Variants in CDH19 observed in about 807,000 individuals in gnomAD.
The protein encoded by CDH19 is cadherin-19.
A neutral mutation model predicts 64.2 loss-of-function variants in CDH19; 67 were observed. That is an observed-to-expected ratio of 1.04 (90% CI 0.86 to 1.28). The LOEUF (loss-of-function observed/expected upper bound fraction) is 1.28, where lower values mean the gene tolerates loss of function less well. Among genes scored for constraint, CDH19 ranks in the 50% most tolerant of loss-of-function variants. The probability of loss-of-function intolerance (pLI) is 0.00; values close to 1 mark genes in which losing one functional copy is unlikely to be tolerated. For missense variants in CDH19, 1,030 were observed against 929.0 expected (o/e 1.11, Z -1.41); for synonymous variants, 346 against 319.3 (o/e 1.08, Z -0.89).
chr18:66,515,032 A>C (rs1206885656), intron 9 of CDH19, among the ~76,000 whole-genome samples: 1 of 151,732 alleles, frequency 6.6e-6, no homozygotes, highest in East Asian at 1.9e-4. Context: ...TTGAATCATG[A>C]ACTCTAAATC....
In CDH19 at chr18:66,537,792, T is replaced by A. The variant is rs537865929; in HGVS notation, c.1215-2685A>T. Among the ~76,000 whole-genome samples the A allele has an allele frequency of 5.0e-4, 76 of 152,034 alleles. 1 individual carries two copies. The highest frequency in any genetic ancestry group is 5.0e-4 in the Non-Finnish European group (34 of 67,974). On this transcript the variant is annotated intron_variant, in intron 7 of 11. Transcript: ENST00000262150. The stretch of plus-strand genomic sequence containing the variant: ...AAGATCTAGGTATTAAGAGTTCCCA[T>A]TGCTTCTTGAGTTTCATTGTTTTTA...
At chr18:66,529,818 A>G in intron 9 of CDH19, 27 bp downstream of exon 9, 1 of 1,489,832 alleles carries the variant, frequency 6.7e-7, no homozygotes, top group Non-Finnish European at 9.1e-7. Flanking sequence ...TATTGTTTAG[A>G]CTTTGTAATT....
chr18:66,542,157 A>G (rs1256237126), intron 7 of CDH19, among the ~76,000 whole-genome samples: 1 of 152,214 alleles, frequency 6.6e-6, no homozygotes, highest in Non-Finnish European at 1.5e-5. Flanking sequence ...ATACAGATAC[A>G]TTTTTTAAAG....
At chr18:66,546,322 T>C (rs1987116436) in intron 5 of CDH19, among the ~76,000 whole-genome samples, 1 of 152,234 alleles carries the variant, frequency 6.6e-6, no homozygotes, top group Middle Eastern at 3.4e-3. Flanking sequence ...TTTTACATTA[T>C]AGAAAAATTA....
At chr18:66,513,509 C>A (rs1349813977) in intron 9 of CDH19, among the ~76,000 whole-genome samples, 1 of 151,302 alleles carries the variant, frequency 6.6e-6, no homozygotes, top group Non-Finnish European at 1.5e-5. Context: ...ATTGAAGTTA[C>A]CTTGAACAGG....
intron 1 of CDH19, among the ~76,000 whole-genome samples, chr18:66,583,790 G>C (rs1988493429): frequency 6.6e-6 from 1 of 152,038 alleles, no homozygotes; most frequent in Non-Finnish European, 1.5e-5. Context: ...TGGGTAACTG[G>C]CTAGCCATAT....
At position 66,535,088 on chromosome 18, in the gene CDH19, T is replaced by C. The variant is rs2144441326; in HGVS notation, c.1234A>G (p.Lys412Glu). Reference protein sequence around the residue: ...SPIRYSITRSKVFNINDNGTI... With the variant: ...SPIRYSITRSEVFNINDNGTI... Reference sequence around the variant, plus strand: ...CCATTATCATTGATATTGAACACTTTGCTCCTAGTAATAGAATACCTGAAC... The same window carrying C: ...CCATTATCATTGATATTGAACACTTCGCTCCTAGTAATAGAATACCTGAAC... The change falls in exon 8 of 12, where the codon AAA becomes GAA. Residue 412 changes from lysine to glutamate, a missense_variant. Physicochemically the swap from Lys to Glu is moderately conservative, Grantham distance 56 (BLOSUM62 1). Transcript: ENST00000262150. The C allele has an allele frequency of 6.7e-7, 1 of 1,490,178 alleles. No individual in the cohort carries two copies. The highest frequency in any genetic ancestry group is 1.4e-5 in the African/African-American group (1 of 72,368). The allele number at this position is 1,490,178 out of a possible 1,614,324, so 92.3% of individuals were successfully genotyped here. A position where few individuals can be genotyped will look rare whatever the true frequency, so the allele number is the denominator to read the frequency against.
At chr18:66,582,437 T>C (rs1157359725) in intron 1 of CDH19, among the ~76,000 whole-genome samples, 1 of 151,934 alleles carries the variant, frequency 6.6e-6, no homozygotes, top group African/African-American at 2.4e-5. Flanking sequence ...GAACCACTAG[T>C]ATGAAATATA....
intron 9 of CDH19, among the ~76,000 whole-genome samples, chr18:66,528,487 C>A (rs571582512): frequency 6.6e-6 from 1 of 152,204 alleles, no homozygotes; most frequent in Admixed American, 6.5e-5. Flanking sequence ...GGTTCTAACC[C>A]ATTAGAAATG....
At chr18:66,543,513 G>T (rs1986975137) in intron 7 of CDH19, among the ~76,000 whole-genome samples, 1 of 152,078 alleles carries the variant, frequency 6.6e-6, no homozygotes, top group Admixed American at 6.5e-5. Flanking sequence ...AACCGACACT[G>T]AGGTTCCCTA....
chr18:66,523,308 T>A (rs909481572), intron 9 of CDH19, among the ~76,000 whole-genome samples: 1 of 152,040 alleles, frequency 6.6e-6, no homozygotes, highest in African/African-American at 2.4e-5. Context: ...ATCAGAGCAA[T>A]CATAAAGATG....
rs1985015782 is a variant in CDH19 at position 66,503,084 on chromosome 18, T to C, written c.*1728A>G. On this transcript the variant is annotated 3_prime_UTR_variant, in exon 12 of 12. Coordinates refer to ENST00000262150, the MANE Select transcript of CDH19 (RefSeq NM_021153.4). ...TTTGGTTCAGCTTAGTCTCACATGC[T>C]ATTAATAAAAAAATGATCATATGAA... 1 of 151,862 alleles carries C rather than the reference T, an allele frequency of 6.6e-6. No individual in the cohort carries two copies. Among genetic ancestry groups the C allele is most frequent in the South Asian group, 2.1e-4 (1 of 4,836 alleles). 9.4% of individuals were successfully genotyped at this position (151,862 alleles called of 1,614,324 possible). A position where few individuals can be genotyped will look rare whatever the true frequency, so the allele number is the denominator to read the frequency against.
intron 4 of CDH19, 38 bp downstream of exon 4, chr18:66,554,367 G>T: frequency 1.2e-6 from 2 of 1,603,800 alleles, no homozygotes; most frequent in Non-Finnish European, 8.5e-7. Context: ...GCCTTCTTTA[G>T]AATCATGTTA....
At chr18:66,525,744 G>A (rs1986196845) in intron 9 of CDH19, among the ~76,000 whole-genome samples, 1 of 152,100 alleles carries the variant, frequency 6.6e-6, no homozygotes, top group African/African-American at 2.4e-5. Context: ...ATACAGCAGG[G>A]TGGGAGGAAA....
intron 3 of CDH19, among the ~76,000 whole-genome samples, chr18:66,558,362 T>C (rs1456773136): frequency 2.0e-5 from 3 of 151,670 alleles, no homozygotes; most frequent in African/African-American, 7.2e-5. Flanking sequence ...AGTTGTTTTC[T>C]ACTTTCTTTT....
chr18:66,529,576 T>C (rs996808713), intron 9 of CDH19, among the ~76,000 whole-genome samples: 10 of 148,948 alleles, frequency 6.7e-5, no homozygotes, highest in Admixed American at 1.3e-4. Context: ...GTAATTAATA[T>C]AAATAGAATA....
At chr18:66,535,741 T>C (rs1021632215) in intron 7 of CDH19, among the ~76,000 whole-genome samples, 1 of 147,208 alleles carries the variant, frequency 6.8e-6, no homozygotes, top group Non-Finnish European at 1.5e-5. Flanking sequence ...ATATATGCTT[T>C]ATTCTATATT....
chr18:66,529,076 T>C (rs777376949), intron 9 of CDH19, among the ~76,000 whole-genome samples: 7 of 151,978 alleles, frequency 4.6e-5, no homozygotes, highest in Non-Finnish European at 8.8e-5. Flanking sequence ...AACTTAAGTT[T>C]CACATTTTAC....
rs539042152 is a variant in CDH19, at chr18:66,519,012, G to A, written c.1459-7327C>T. Among the ~76,000 whole-genome samples, 15 of 152,136 alleles carry A rather than the reference G, an allele frequency of 9.9e-5. No homozygotes were observed. The South Asian group carries it at 1.2e-3, about 13-fold the overall frequency. On this transcript the variant is annotated intron_variant, in intron 9 of 11. Transcript: ENST00000262150. ...GTAGTACATTATTAATATCACACACGTATGATGACAAAACAAAAAAATCAA... is the reference window on the plus strand; with the variant it reads ...GTAGTACATTATTAATATCACACACATATGATGACAAAACAAAAAAATCAA...
Sources: allele counts gnomAD v4.1 joint callset (sites outside exome capture counted in the v4.1 genomes callset), GRCh38; gene constraint gnomAD v4.1.1; transcripts MANE v1.5; gene names NCBI Gene and HGNC (gene_info 2026-07-23, HGNC 2026-07-21).